The following UBAC2 variants were observed in gnomAD, a reference collection of about 807,000 sequenced individuals.
UBAC2 encodes UBA domain containing 2, also known as ubiquitin-associated domain-containing protein 2.
Under a neutral mutation model 44.0 loss-of-function variants are expected in UBAC2, and 26 were observed. That is an observed-to-expected ratio of 0.59 (90% CI 0.43 to 0.82). UBAC2 has a LOEUF of 0.82. UBAC2 is among the 40% of genes least tolerant of loss of function. The pLI, the probability that UBAC2 is intolerant of heterozygous loss-of-function variation, is 0.00. For missense variants in UBAC2, 329 were observed against 419.4 expected, an observed-to-expected ratio of 0.78 and a Z score of 1.88; for synonymous variants, 155 against 154.3, an observed-to-expected ratio of 1.00 and a Z score of -0.04.
At chr13:99,228,974 T>G (rs539285032) in intron 1 of UBAC2, among the ~76,000 whole-genome samples, 7 of 152,208 alleles carry the variant, frequency 4.6e-5, no homozygotes, top group Non-Finnish European at 8.8e-5. Flanking sequence ...GAATTTCTTA[T>G]GAATAAGATG....
At chr13:99,240,739 C>G (rs1013168606) in intron 2 of UBAC2, among the ~76,000 whole-genome samples, 1 of 152,148 alleles carries the variant, frequency 6.6e-6, no homozygotes, top group Non-Finnish European at 1.5e-5. Flanking sequence ...TCAACACAGC[C>G]TTAGAGGCAG....
At chr13:99,212,207 A>G (rs1039163925) in intron 1 of UBAC2, among the ~76,000 whole-genome samples, 2 of 152,204 alleles carry the variant, frequency 1.3e-5, no homozygotes, top group Non-Finnish European at 2.9e-5. Context: ...TGGCATTTTT[A>G]TAGCATTTTA....
chr13:99,374,803 C>T (rs550059206), intron 8 of UBAC2, among the ~76,000 whole-genome samples: 4 of 152,296 alleles, frequency 2.6e-5, no homozygotes, highest in African/African-American at 4.8e-5. Flanking sequence ...CTGTGGACAG[C>T]GAGCTTCCTG....
intron 6 of UBAC2, among the ~76,000 whole-genome samples, chr13:99,320,880 C>T (rs1029587536): frequency 1.3e-5 from 2 of 152,260 alleles, no homozygotes; most frequent in African/African-American, 4.8e-5. Context: ...TCTTGCTCAA[C>T]ATGACTTCCC....
At chr13:99,326,222 T>A (rs1371985506) in intron 6 of UBAC2, among the ~76,000 whole-genome samples, 1 of 152,234 alleles carries the variant, frequency 6.6e-6, no homozygotes, top group East Asian at 1.9e-4. Flanking sequence ...TGTTTTTTTA[T>A]AATAGCCATC....
intron 4 of UBAC2, among the ~76,000 whole-genome samples, chr13:99,289,639 G>T (rs757528716): frequency 1.3e-5 from 2 of 151,946 alleles, no homozygotes; most frequent in Non-Finnish European, 1.5e-5. Context: ...TTCCAAGTAG[G>T]TTAAACACTG....
chr13:99,386,296 G>C lies in UBAC2; in HGVS notation c.*961G>C, dbSNP rs1164424497. The C allele has an allele frequency of 6.6e-6, 1 of 152,352 alleles. No individual in the cohort carries two copies. Among genetic ancestry groups the C allele is most frequent in the Non-Finnish European group, 1.5e-5 (1 of 68,090 alleles). The allele number at this position is 152,352 out of a possible 1,614,324, so 9.4% of individuals were successfully genotyped here. ...AGGGAAGGCAGGGGTGGACCGCCATGAGCATGAAAAGACCCGAAGCAAGTT... is the reference window on the plus strand; with the variant it reads ...AGGGAAGGCAGGGGTGGACCGCCATCAGCATGAAAAGACCCGAAGCAAGTT... On this transcript the variant is annotated 3_prime_UTR_variant, in exon 9 of 9. Transcript: ENST00000403766.
intron 4 of UBAC2, among the ~76,000 whole-genome samples, chr13:99,269,387 A>G (rs937178512): frequency 6.6e-6 from 1 of 152,248 alleles, no homozygotes; most frequent in African/African-American, 2.4e-5. Flanking sequence ...CTGGTACAGC[A>G]GAACTTGTTC....
chr13:99,272,229 G>GCCCATATT (rs2043824917), intron 4 of UBAC2, among the ~76,000 whole-genome samples: 1 of 152,118 alleles, frequency 6.6e-6, no homozygotes, highest in African/African-American at 2.4e-5. Context: ...CACTAAAGCA[G>GCCCATATT]CCCATATTTT....
chr13:99,314,043 C>T, intron 4 of UBAC2, 54 bp from the exon 5 acceptor site: 5 of 1,530,240 alleles, frequency 3.3e-6, no homozygotes, highest in Non-Finnish European at 4.4e-6. Flanking sequence ...ATACATCTGC[C>T]ATTTGTGTTT....
At position 99,276,763 on chromosome 13, in the gene UBAC2, G is replaced by A. The variant is rs534027636; in HGVS notation, c.389+32139G>A. Among the ~76,000 whole-genome samples the A allele has an allele frequency of 3.9e-5, 6 of 152,288 alleles. No homozygotes were observed. In the South Asian group the frequency reaches 1.0e-3, roughly 26 times the overall value. On this transcript the variant is annotated intron_variant, in intron 4 of 8. Transcript: ENST00000403766. The stretch of plus-strand genomic sequence containing the variant: ...GGGCTCTACCTAAATAACCCATTAG[G>A]GTAAATTCAGATGTGGTTGAAAGGG...
At chr13:99,310,709 T>C (rs1363280950) in intron 4 of UBAC2, among the ~76,000 whole-genome samples, 2 of 152,246 alleles carry the variant, frequency 1.3e-5, no homozygotes, top group Non-Finnish European at 2.9e-5. Flanking sequence ...CTTCTATTGG[T>C]ATGTGAAATG....
intron 7 of UBAC2, among the ~76,000 whole-genome samples, chr13:99,351,044 G>T (rs1186813814): frequency 6.6e-6 from 1 of 152,206 alleles, no homozygotes; most frequent in Non-Finnish European, 1.5e-5. Context: ...ATAGAAAGCA[G>T]CGTAATATAA....
At position 99,295,332 on chromosome 13, in the gene UBAC2, GCTT is replaced by G; in HGVS notation, c.390-18761_390-18759del. The G allele has an allele frequency of 1.9e-6, 3 of 1,614,080 alleles. No homozygotes were observed. Among genetic ancestry groups the G allele is most frequent in the Non-Finnish European group, 2.5e-6 (3 of 1,179,992 alleles). On this transcript the variant is annotated intron_variant, in intron 4 of 8. Coordinates refer to ENST00000403766, the MANE Select transcript of UBAC2 (RefSeq NM_001144072.2). This position sits in a 1 kb window ranked among gnomAD's most constrained non-coding sequence, Gnocchi z 4.1. ...CATTCCAGGAAATTAGAGAAACGAA[GCTT>G]CTTAATCATATGTTGAATAATTGCA...
chr13:99,330,546 G>T (rs1402633367), intron 6 of UBAC2, among the ~76,000 whole-genome samples: 1 of 149,484 alleles, frequency 6.7e-6, no homozygotes, highest in African/African-American at 2.5e-5. Flanking sequence ...ATTATTTCTG[G>T]TAGCTTTTCT....
chr13:99,346,117 G>T (rs184807783), intron 7 of UBAC2, among the ~76,000 whole-genome samples: 1 of 152,084 alleles, frequency 6.6e-6, no homozygotes, highest in African/African-American at 2.4e-5. Context: ...TTGTTTACCC[G>T]AAAGTCCAAA....
At chr13:99,280,183 C>T (rs1232855773) in intron 4 of UBAC2, among the ~76,000 whole-genome samples, 1 of 152,172 alleles carries the variant, frequency 6.6e-6, no homozygotes, top group Admixed American at 6.5e-5. Context: ...CTTGAGAAAT[C>T]TCCTATGGCT....
chr13:99,209,627 G>A (rs73563990), intron 1 of UBAC2, among the ~76,000 whole-genome samples: 1,621 of 152,250 alleles, frequency 0.011, 30 homozygotes, highest in African/African-American at 0.038. Flanking sequence ...TTCCCCACCA[G>A]TCTTAAGTTT....
In UBAC2 at chr13:99,338,427, G is replaced by T. The variant is rs138304355; in HGVS notation, c.562-1893G>T. 1.3e-3 allele frequency among the ~76,000 whole-genome samples: 200 copies of T among 152,258 alleles called. 4 individuals are homozygous for T. The East Asian group carries it at 0.026, about 20-fold the overall frequency. On this transcript the variant is annotated intron_variant, in intron 6 of 8. Transcript: ENST00000403766. ...TGAAAGCTGTCCTGGGCCACATGTG[G>T]CCCACAGGCCTCAGGTTGAACAAGC...
Sources: gnomAD v4.1 joint callset for allele counts (sites outside exome capture counted in the v4.1 genomes callset) on GRCh38, gnomAD v4.1.1 for gene constraint, Gnocchi (gnomAD v3.1) non-coding constraint, MANE v1.5 for transcripts, NCBI Gene and HGNC (gene_info 2026-07-23, HGNC 2026-07-21) for gene names.